HIPK3: variants seen among roughly 807,000 people sequenced by gnomAD.
HIPK3 encodes the protein homeodomain-interacting protein kinase 3.
Under a neutral mutation model 124.2 loss-of-function variants are expected in HIPK3, and 47 were observed. The ratio of observed to expected loss-of-function variants is 0.38; its 90% CI spans 0.30 to 0.48. The LOEUF (loss-of-function observed/expected upper bound fraction) is 0.48, where lower values mean the gene tolerates loss of function less well. Ranked by LOEUF, HIPK3 falls within the 20% of genes least tolerant of loss-of-function variation. HIPK3 has a pLI of 0.98. For missense variants in HIPK3, 1,286 were observed against 1,454.3 expected (o/e 0.88, Z 1.88); for synonymous variants, 482 against 515.2 (o/e 0.94, Z 0.87).
chr11:33,282,696 T>C (rs1277593871), intron 1 of HIPK3, among the ~76,000 whole-genome samples: 2 of 151,622 alleles, frequency 1.3e-5, no homozygotes, highest in Admixed American at 6.6e-5. Context: ...AAAAAAATTA[T>C]CTGTGAATTT....
At chr11:33,267,225 C>T (rs936094120) in intron 1 of HIPK3, among the ~76,000 whole-genome samples, 4 of 150,784 alleles carry the variant, frequency 2.7e-5, no homozygotes, top group African/African-American at 9.8e-5. Flanking sequence ...TGGGTTCAAG[C>T]GATTCTCCTG....
At chr11:33,281,514 C>A (rs2133893029) in intron 1 of HIPK3, among the ~76,000 whole-genome samples, 1 of 152,152 alleles carries the variant, frequency 6.6e-6, no homozygotes, top group East Asian at 1.9e-4. Flanking sequence ...AAAAAACTTT[C>A]TTGGAACAGG....
In HIPK3 at chr11:33,257,658, A is replaced by C. The variant is rs1850701755; in HGVS notation, c.-234A>C. 1 of 991,956 alleles carries C rather than the reference A, an allele frequency of 1.0e-6. No homozygotes were observed. The highest frequency in any genetic ancestry group is 1.2e-6 in the Non-Finnish European group (1 of 834,808). The allele number at this position is 991,956 out of a possible 1,614,324, so 61.4% of individuals were successfully genotyped here. On this transcript the variant is annotated 5_prime_UTR_variant, in exon 1 of 17. Coordinates refer to ENST00000303296, the MANE Select transcript of HIPK3 (RefSeq NM_005734.5). ...GATGAGGGAGACGGGCCCGGCGCTT[A>C]GCAGCCAGAGCAGCAGCAGCAGCAG...
intron 2 of HIPK3, among the ~76,000 whole-genome samples, chr11:33,309,393 G>A (rs1213393581): frequency 3.9e-5 from 6 of 152,226 alleles, no homozygotes. Context: ...GGGATTACAG[G>A]TGTGTCACCA....
At chr11:33,281,310 G>A (rs1375580219) in intron 1 of HIPK3, among the ~76,000 whole-genome samples, 6 of 151,938 alleles carry the variant, frequency 3.9e-5, no homozygotes, top group Admixed American at 1.3e-4. Context: ...AAATATAAGC[G>A]TATTCAAAAG....
intron 1 of HIPK3, chr11:33,258,797 T>A: frequency 1.1e-6 from 1 of 898,324 alleles, no homozygotes; most frequent in Non-Finnish European, 1.3e-6. Flanking sequence ...AGAGTAGTCG[T>A]AACACGTTCA....
chr11:33,286,240 T>TA (rs1851546981), intron 1 of HIPK3, among the ~76,000 whole-genome samples, 173 bp from the exon 2 acceptor site: 1 of 152,060 alleles, frequency 6.6e-6, no homozygotes, highest in Admixed American at 6.5e-5. Context: ...TAAAGATAGT[T>TA]ATCTTCTCCA....
rs371278906 is a variant in HIPK3 at position 33,351,655 on chromosome 11, C to T, written c.2855C>T (p.Ser952Phe). Residue 952 changes from serine to phenylalanine, a missense_variant, in exon 15 of 17, where the codon TCT becomes TTT. This residue lies in a region of HIPK3 where 810 missense variants were observed against 864.9 expected (regional missense o/e 0.94). Transcript: ENST00000303296. ...AGTAGTTGTGATACGGTGGATGGCTCTCCGACATCTGACTCTTCCGGGCAT... is the reference window on the plus strand; with the variant it reads ...AGTAGTTGTGATACGGTGGATGGCTTTCCGACATCTGACTCTTCCGGGCAT... ...QESSCDTVDG[S>F]PTSDSSGHDS... The T allele has an allele frequency of 2.6e-5, 42 of 1,614,068 alleles. No individual in the cohort carries two copies. The highest frequency in any genetic ancestry group is 4.0e-5 in the African/African-American group (3 of 74,932).
chr11:33,268,591 CAAAAA>C (rs35408664), intron 1 of HIPK3, among the ~76,000 whole-genome samples: 10 of 76,018 alleles, frequency 1.3e-4, no homozygotes, highest in Non-Finnish European at 2.2e-4. Flanking sequence ...ACTCCGTCAC[CAAAAA>C]AAAAAAAAAA....
chr11:33,335,395 G>A (rs1295970721), intron 3 of HIPK3, among the ~76,000 whole-genome samples: 6 of 152,150 alleles, frequency 3.9e-5, no homozygotes, highest in East Asian at 1.9e-4. Flanking sequence ...AAAGCATGGC[G>A]TCGTGGAAAT....
intron 1 of HIPK3, among the ~76,000 whole-genome samples, chr11:33,261,991 G>A (rs539257276): frequency 1.3e-5 from 2 of 152,062 alleles, no homozygotes; most frequent in African/African-American, 2.4e-5. Flanking sequence ...TCATGTGCTT[G>A]TTGGCCACAC....
chr11:33,348,101 T>C, intron 11 of HIPK3, 65 bp from the exon 12 acceptor site: 1 of 1,603,466 alleles, frequency 6.2e-7, no homozygotes, highest in Non-Finnish European at 8.5e-7. Context: ...CTCTGTTGTA[T>C]TCAAAATGAC....
At chr11:33,302,885 A>G (rs188082778) in intron 2 of HIPK3, among the ~76,000 whole-genome samples, 148 of 152,298 alleles carry the variant, frequency 9.7e-4, no homozygotes, top group Non-Finnish European at 1.7e-3. Context: ...GTGACATTAG[A>G]TTGTAAGACA....
intron 3 of HIPK3, 117 bp downstream of exon 3, chr11:33,328,750 G>A (rs1852883721): frequency 2.5e-6 from 2 of 815,122 alleles, no homozygotes; most frequent in Non-Finnish European, 3.7e-6. Flanking sequence ...ACATAAAGTG[G>A]CAGAATCTGG....
chr11:33,339,047 G>A (rs772515546), intron 5 of HIPK3, among the ~76,000 whole-genome samples: 2 of 151,980 alleles, frequency 1.3e-5, no homozygotes, highest in East Asian at 3.8e-4. Context: ...TTACCTATTC[G>A]TTCTTTAGTA....
At chr11:33,257,232 C>G, upstream of HIPK3, 1 of 984,034 alleles carries the variant, frequency 1.0e-6, no homozygotes, top group South Asian at 4.7e-5. Context: ...CGGGCGGACC[C>G]CGGGGAGGGG....
chr11:33,351,534 G>T (rs1179359186), intron 14 of HIPK3, 74 bp from the exon 15 acceptor site: 1 of 980,498 alleles, frequency 1.0e-6, no homozygotes, highest in Non-Finnish European at 1.6e-6. Flanking sequence ...GTTCACTGGA[G>T]CCTGAATATT....
At chr11:33,310,307 A>ATCTATCTATCTATCTATCTATCT (rs59211221) in intron 2 of HIPK3, among the ~76,000 whole-genome samples, 1 of 38,106 alleles carries the variant, frequency 2.6e-5, no homozygotes, top group Non-Finnish European at 7.2e-5. Flanking sequence ...CTATCTATCT[A>ATCTATCTATCTATCTATCTATCT]ATCTATCTAT....
At position 33,353,731 on chromosome 11, in the gene HIPK3, T is replaced by G; in HGVS notation, c.*163T>G. 1.7e-6 allele frequency: 1 copy of G among 595,584 alleles called. No individual in the cohort carries two copies. The highest frequency in any genetic ancestry group is 3.0e-6 in the Non-Finnish European group (1 of 337,794). The allele number at this position is 595,584 out of a possible 1,614,324, so 36.9% of individuals were successfully genotyped here. A position where few individuals can be genotyped will look rare whatever the true frequency, so the allele number is the denominator to read the frequency against. Reference sequence around the variant, plus strand: ...TTAAAAACTCACTTTTGATGTGTTTTGCACATTTGGTATAACTTGTCTTTG... The same window carrying G: ...TTAAAAACTCACTTTTGATGTGTTTGGCACATTTGGTATAACTTGTCTTTG... On this transcript the variant is annotated 3_prime_UTR_variant, in exon 17 of 17. Transcript: ENST00000303296.
Sources: allele counts gnomAD v4.1 joint callset (sites outside exome capture counted in the v4.1 genomes callset), GRCh38; gene constraint gnomAD v4.1.1; regional missense constraint gnomAD v4.1.1; transcripts MANE v1.5; gene names NCBI Gene and HGNC (gene_info 2026-07-23, HGNC 2026-07-21).